Variants in CCDC102B observed in about 807,000 individuals in gnomAD.
CCDC102B encodes the protein coiled-coil domain-containing protein 102B.
A neutral mutation model predicts 57.4 loss-of-function variants in CCDC102B; 75 were observed. The ratio of observed to expected loss-of-function variants is 1.31; its 90% CI spans 1.08 to 1.58. CCDC102B has a LOEUF of 1.58. Ranked by LOEUF, CCDC102B falls within the 40% of genes most tolerant of loss-of-function variation. CCDC102B has a pLI of 0.00. For missense variants in CCDC102B, 636 were observed against 582.6 expected, an observed-to-expected ratio of 1.09 and a Z score of -0.94; for synonymous variants, 206 against 201.9, an observed-to-expected ratio of 1.02 and a Z score of -0.17.
intron 7 of CCDC102B, among the ~76,000 whole-genome samples, chr18:69,030,340 A>G (rs1648816987): frequency 6.6e-6 from 1 of 152,180 alleles, no homozygotes; most frequent in Admixed American, 6.5e-5. Flanking sequence ...ATTTCAGATA[A>G]TAGTCATCAA....
intron 4 of CCDC102B, among the ~76,000 whole-genome samples, chr18:68,856,998 ATTTT>A (rs568761303): frequency 1.5e-5 from 2 of 137,408 alleles, no homozygotes; most frequent in East Asian, 4.0e-4. Context: ...TCCATTCTTT[ATTTT>A]GTTTTGTCTA....
intron 6 of CCDC102B, among the ~76,000 whole-genome samples, chr18:68,980,659 G>A (rs1302424014): frequency 6.6e-6 from 1 of 152,018 alleles, no homozygotes; most frequent in Non-Finnish European, 1.5e-5. Flanking sequence ...TTGGTAGGAG[G>A]TCAGGTAACA....
At chr18:68,758,419 C>A (rs536024755) in intron 2 of CCDC102B, among the ~76,000 whole-genome samples, 1 of 151,894 alleles carries the variant, frequency 6.6e-6, no homozygotes, top group Non-Finnish European at 1.5e-5. Flanking sequence ...TAAGATATTT[C>A]TTTGAGAGTA....
chr18:68,820,683 T>TTTCA (rs2036658317), intron 1 of CCDC102B, among the ~76,000 whole-genome samples: 1 of 145,308 alleles, frequency 6.9e-6, no homozygotes, highest in Admixed American at 6.9e-5. Context: ...TTTAAATATC[T>TTTCA]TTCATTCATT....
intron 7 of CCDC102B, among the ~76,000 whole-genome samples, chr18:69,017,928 A>G (rs1346385796): frequency 6.6e-6 from 1 of 152,124 alleles, no homozygotes; most frequent in Non-Finnish European, 1.5e-5. Context: ...ACTTATCATA[A>G]TGTCCTCTGG....
chr18:68,996,685 G>A (rs2051037237), intron 6 of CCDC102B, among the ~76,000 whole-genome samples: 1 of 152,104 alleles, frequency 6.6e-6, no homozygotes, highest in African/African-American at 2.4e-5. Context: ...TTGTATCTAG[G>A]AAGTTACTAA....
intron 2 of CCDC102B, among the ~76,000 whole-genome samples, chr18:68,741,588 C>G (rs541921845): frequency 6.6e-5 from 10 of 151,576 alleles, no homozygotes; most frequent in Admixed American, 1.3e-4. Flanking sequence ...TGCAATAAGG[C>G]AAATGCCTTC....
At chr18:68,777,325 G>A (rs1234140189) in intron 2 of CCDC102B, among the ~76,000 whole-genome samples, 1 of 152,106 alleles carries the variant, frequency 6.6e-6, no homozygotes, top group African/African-American at 2.4e-5. Context: ...ACTTTTATAT[G>A]AGGGTCTGTG....
chr18:68,833,344 G>T (rs2037224044), intron 1 of CCDC102B, among the ~76,000 whole-genome samples: 1 of 149,326 alleles, frequency 6.7e-6, no homozygotes, highest in Non-Finnish European at 1.5e-5. Context: ...ATTACATACA[G>T]AACATTTTTG....
chr18:69,045,159 T>C (rs950351193), intron 7 of CCDC102B, among the ~76,000 whole-genome samples: 1 of 152,100 alleles, frequency 6.6e-6, no homozygotes, highest in African/African-American at 2.4e-5. Context: ...AATGCTTCAA[T>C]ATGTGAATTT....
At chr18:68,804,760 C>G (rs1409444371) in intron 1 of CCDC102B, among the ~76,000 whole-genome samples, 1 of 151,972 alleles carries the variant, frequency 6.6e-6, no homozygotes, top group Non-Finnish European at 1.5e-5. Flanking sequence ...GAAAATGATA[C>G]TGCGACTTCA....
At chr18:68,877,067 C>T (rs1223664403) in intron 5 of CCDC102B, among the ~76,000 whole-genome samples, 1 of 152,126 alleles carries the variant, frequency 6.6e-6, no homozygotes, top group African/African-American at 2.4e-5. Flanking sequence ...AAATAAAATA[C>T]TGAAAATAAT....
chr18:68,950,311 C>T (rs75231131), intron 6 of CCDC102B, among the ~76,000 whole-genome samples: 4,029 of 152,142 alleles, frequency 0.026, 80 homozygotes, highest in Non-Finnish European at 0.04. Context: ...GTATCCAGAG[C>T]TTAAGACTCA....
chr18:68,913,344 G>GTGTGTGTGTGTGTGTGTGTGT (rs1555725389), intron 6 of CCDC102B, among the ~76,000 whole-genome samples: 1 of 150,098 alleles, frequency 6.7e-6, no homozygotes, highest in Non-Finnish European at 1.5e-5. Flanking sequence ...GTGTGTGTGT[G>GTGTGTGTGTGTGTGTGTGTGT]GTCCTACTTT....
chr18:69,020,120 G>A (rs2051789791), intron 7 of CCDC102B, among the ~76,000 whole-genome samples: 1 of 152,002 alleles, frequency 6.6e-6, no homozygotes, highest in African/African-American at 2.4e-5. Context: ...ATAAATAAGA[G>A]GATGTTCAAA....
At position 69,018,521 on chromosome 18, in the gene CCDC102B, TG is replaced by T. The variant is rs570368008; in HGVS notation, c.1434+7418del. Among the ~76,000 whole-genome samples, 195 of 152,306 alleles carry T rather than the reference TG, an allele frequency of 1.3e-3. 2 individuals are homozygous for T. The highest frequency in any genetic ancestry group is 2.4e-3 in the Non-Finnish European group (163 of 68,010). On this transcript the variant is annotated intron_variant, in intron 7 of 7. Transcript: ENST00000360242. Reference sequence around the variant, plus strand: ...GTGATTACAGTTTGACTTTCTCTGATGATTAGTGATGTCGAGCACCTTTTCA... The same window carrying T: ...GTGATTACAGTTTGACTTTCTCTGATATTAGTGATGTCGAGCACCTTTTCA...
rs543127394 is a variant in CCDC102B at position 68,940,180 on chromosome 18, G to A, written c.1263+42752G>A. ...TTAAATAAGAATTCTACTAAAATGAGTCATAATTCTTTCAGCCTGACTACA... is the reference window on the plus strand; with the variant it reads ...TTAAATAAGAATTCTACTAAAATGAATCATAATTCTTTCAGCCTGACTACA... On this transcript the variant is annotated intron_variant, in intron 6 of 7. Transcript: ENST00000360242. 4.6e-5 allele frequency among the ~76,000 whole-genome samples: 7 copies of A among 151,730 alleles called. 1 individual carries two copies. In the East Asian group the frequency reaches 1.2e-3, roughly 25 times the overall value.
chr18:69,017,191 C>CT (rs1192155106), intron 7 of CCDC102B, among the ~76,000 whole-genome samples: 3 of 152,160 alleles, frequency 2.0e-5, no homozygotes, highest in Admixed American at 2.0e-4. Flanking sequence ...TCTTGGCTCA[C>CT]TGAAGCCTCA....
chr18:68,994,322 G>A (rs2050956947), intron 6 of CCDC102B, among the ~76,000 whole-genome samples: 2 of 152,088 alleles, frequency 1.3e-5, no homozygotes, highest in South Asian at 2.1e-4. Flanking sequence ...AATATTCATT[G>A]CATGTTGGTA....
Sources: gnomAD v4.1 joint callset for allele counts (sites outside exome capture counted in the v4.1 genomes callset) on GRCh38, gnomAD v4.1.1 for gene constraint, MANE v1.5 for transcripts, NCBI Gene and HGNC (gene_info 2026-07-23, HGNC 2026-07-21) for gene names.